Variants in ACOXL observed in about 807,000 individuals in gnomAD.
The protein encoded by ACOXL is acyl-CoA oxidase like, also known as acyl-coenzyme A oxidase-like protein.
In ACOXL, 70 loss-of-function variants were observed where a neutral mutation model predicts 71.9. That is an observed-to-expected ratio of 0.97 (90% CI 0.80 to 1.19). The LOEUF is 1.19. Ranked by LOEUF, ACOXL falls within the 50% of genes most tolerant of loss-of-function variation. The pLI is 0.00. For missense variants in ACOXL, 703 were observed against 736.3 expected, an observed-to-expected ratio of 0.95 and a Z score of 0.52; for synonymous variants, 253 against 281.6, an observed-to-expected ratio of 0.90 and a Z score of 1.02.
At chr2:110,852,734 A>T (rs1234967720) in intron 10 of ACOXL, among the ~76,000 whole-genome samples, 1 of 152,156 alleles carries the variant, frequency 6.6e-6, no homozygotes, top group African/African-American at 2.4e-5. Context: ...GTGATGAGGC[A>T]GCTTTTTTTT....
intron 11 of ACOXL, among the ~76,000 whole-genome samples, 179 bp from the exon 12 acceptor site, chr2:110,933,310 T>C (rs1372832584): frequency 6.6e-6 from 1 of 152,272 alleles, no homozygotes; most frequent in Non-Finnish European, 1.5e-5. Context: ...AGGTTTCCAC[T>C]GGTAGCGTTT....
intron 9 of ACOXL, among the ~76,000 whole-genome samples, chr2:110,836,039 A>G (rs933696235): frequency 7.2e-5 from 11 of 152,230 alleles, no homozygotes; most frequent in Non-Finnish European, 1.2e-4. Context: ...ATCTCTAAGC[A>G]TCATTAGCTT....
chr2:110,795,409 A>G (rs1304655720), intron 5 of ACOXL, among the ~76,000 whole-genome samples: 3 of 152,194 alleles, frequency 2.0e-5, no homozygotes, highest in Non-Finnish European at 4.4e-5. Context: ...GCTGTGTATC[A>G]AACTCCCTCT....
intron 16 of ACOXL, among the ~76,000 whole-genome samples, chr2:111,081,536 G>A (rs571337955): frequency 1.2e-4 from 19 of 152,202 alleles, no homozygotes; most frequent in African/African-American, 4.1e-4. Context: ...ACAAACAAAT[G>A]GAAAAACATT....
intron 11 of ACOXL, among the ~76,000 whole-genome samples, chr2:110,909,943 G>C (rs2059591401): frequency 6.6e-6 from 1 of 151,914 alleles, no homozygotes; most frequent in Non-Finnish European, 1.5e-5. Context: ...AAAAGCACTT[G>C]CTTCCACCGT....
chr2:110,947,217 G>A (rs190146274), intron 12 of ACOXL, among the ~76,000 whole-genome samples: 2 of 152,296 alleles, frequency 1.3e-5, no homozygotes, highest in African/African-American at 2.4e-5. Flanking sequence ...ATTGGGTGGG[G>A]TCAACCAAGT....
intron 13 of ACOXL, among the ~76,000 whole-genome samples, chr2:110,991,843 C>T (rs1342797403): frequency 2.0e-5 from 3 of 152,170 alleles, no homozygotes; most frequent in African/African-American, 7.2e-5. Context: ...GCTAGTGGGT[C>T]TTCCTAATAT....
chr2:110,838,088 A>AGT (rs1690672908), intron 9 of ACOXL, among the ~76,000 whole-genome samples: 1 of 152,192 alleles, frequency 6.6e-6, no homozygotes, highest in African/African-American at 2.4e-5. Context: ...CATGTGGATG[A>AGT]GTGTGTGTAT....
chr2:110,891,870 G>T (rs191641549), intron 10 of ACOXL, among the ~76,000 whole-genome samples: 2 of 151,988 alleles, frequency 1.3e-5, no homozygotes, highest in South Asian at 4.2e-4. Context: ...ACTCTTGGCA[G>T]GTTCTCTGTG....
At position 110,908,788 on chromosome 2, in the gene ACOXL, G is replaced by T. The variant is rs2974746; in HGVS notation, c.789-1G>T. On this transcript the variant is annotated splice_acceptor_variant, in intron 10 of 17. Transcript: ENST00000439055. LOFTEE classifies it high-confidence loss of function. Reference sequence around the variant, plus strand: ...AAATCGTGTCTGTTGATTCCCTCTAGCCGGAGGCAGTTTGGGCCCAAAACC... The same window carrying T: ...AAATCGTGTCTGTTGATTCCCTCTATCCGGAGGCAGTTTGGGCCCAAAACC... The T allele has an allele frequency of 8.1e-6, 13 of 1,613,252 alleles. 1 individual carries two copies. The African/African-American group carries it at 1.2e-4, about 15-fold the overall frequency.
chr2:110,765,836 T>C (rs60470371), intron 1 of ACOXL, among the ~76,000 whole-genome samples: 2,051 of 152,288 alleles, frequency 0.013, 46 homozygotes, highest in African/African-American at 0.048. Flanking sequence ...GGATCCAACA[T>C]ATACATTTTG....
intron 1 of ACOXL, among the ~76,000 whole-genome samples, chr2:110,754,641 A>C (rs533557412): frequency 8.5e-4 from 129 of 152,212 alleles, no homozygotes; most frequent in Non-Finnish European, 1.7e-3. Context: ...ATTGTGATCT[A>C]TCCAAGTTGT....
At chr2:110,977,066 A>T (rs2062477340) in intron 12 of ACOXL, among the ~76,000 whole-genome samples, 2 of 152,084 alleles carry the variant, frequency 1.3e-5, no homozygotes. Context: ...ATTTTTAGAG[A>T]TCAAGTATAT....
At chr2:110,774,274 T>A (rs1020989444) in intron 2 of ACOXL, among the ~76,000 whole-genome samples, 38 of 152,320 alleles carry the variant, frequency 2.5e-4, no homozygotes, top group African/African-American at 9.1e-4. Context: ...TACATTTTTG[T>A]CTGGGAGGAG....
chr2:111,084,303 ACACAC>A (rs1419277403), intron 16 of ACOXL, among the ~76,000 whole-genome samples: 46 of 145,046 alleles, frequency 3.2e-4, no homozygotes, highest in African/African-American at 9.7e-4. Flanking sequence ...ACACACACAC[ACACAC>A]AAGAAGTGGA....
At chr2:110,782,994 A>C (rs924323620) in intron 2 of ACOXL, among the ~76,000 whole-genome samples, 4 of 152,136 alleles carry the variant, frequency 2.6e-5, no homozygotes, top group Non-Finnish European at 5.9e-5. Context: ...AGGCTGGGCC[A>C]CTCAGGGTCC....
chr2:111,046,010 T>G (rs1449434586), intron 15 of ACOXL, among the ~76,000 whole-genome samples: 1 of 152,208 alleles, frequency 6.6e-6, no homozygotes, highest in East Asian at 1.9e-4. Context: ...GCCCATCTCC[T>G]GCACCCTCTC....
chr2:111,011,209 A>G (rs193126171), intron 14 of ACOXL, among the ~76,000 whole-genome samples: 12 of 152,352 alleles, frequency 7.9e-5, no homozygotes, highest in Admixed American at 4.6e-4. Flanking sequence ...TACATAATAT[A>G]TGAAGTAGTA....
At chr2:110,757,062 C>T (rs75911382) in intron 1 of ACOXL, among the ~76,000 whole-genome samples, 2 of 152,114 alleles carry the variant, frequency 1.3e-5, no homozygotes, top group Non-Finnish European at 2.9e-5. Flanking sequence ...CCAACCCCCC[C>T]CAAGACAGGC....
Sources: allele counts gnomAD v4.1 joint callset (sites outside exome capture counted in the v4.1 genomes callset), GRCh38; gene constraint gnomAD v4.1.1; transcripts MANE v1.5; gene names NCBI Gene and HGNC (gene_info 2026-07-23, HGNC 2026-07-21).